The following IMMP2L variants were observed in gnomAD, a reference collection of about 807,000 sequenced individuals.
The protein encoded by IMMP2L is mitochondrial inner membrane protease subunit 2.
In IMMP2L, 18 loss-of-function variants were observed where a neutral mutation model predicts 19.3. The observed-to-expected ratio is 0.93, with a 90% CI of 0.64 to 1.38. The LOEUF is 1.38. IMMP2L is among the 40% of genes most tolerant of loss of function. The pLI is 0.00. For synonymous variants in IMMP2L, 76 were observed against 73.0 expected, an observed-to-expected ratio of 1.04 and a Z score of -0.21; for missense variants, 233 against 218.2, an observed-to-expected ratio of 1.07 and a Z score of -0.43.
At chr7:111,331,354 T>C (rs1010639185) in intron 3 of IMMP2L, among the ~76,000 whole-genome samples, 2 of 151,942 alleles carry the variant, frequency 1.3e-5, no homozygotes, top group African/African-American at 2.4e-5. Flanking sequence ...TTCTCACTTA[T>C]ATGTGAAATC....
chr7:110,736,864 G>A (rs1222301474), intron 5 of IMMP2L, among the ~76,000 whole-genome samples: 1 of 152,134 alleles, frequency 6.6e-6, no homozygotes. Context: ...ATTTAGATGA[G>A]ACTCTGGACT....
intron 2 of IMMP2L, among the ~76,000 whole-genome samples, chr7:111,507,569 G>A (rs890766815): frequency 6.6e-6 from 1 of 152,044 alleles, no homozygotes; most frequent in African/African-American, 2.4e-5. Context: ...TCCAGCGTCT[G>A]CCAACACTCC....
chr7:110,868,041 G>C (rs139582803), intron 5 of IMMP2L, among the ~76,000 whole-genome samples: 1 of 151,770 alleles, frequency 6.6e-6, no homozygotes, highest in African/African-American at 2.4e-5. Flanking sequence ...CTCACCTTCA[G>C]AGAGACGCAA....
At chr7:111,392,040 C>T in intron 3 of IMMP2L, 1 of 700,424 alleles carries the variant, frequency 1.4e-6, no homozygotes, top group Non-Finnish European at 2.6e-6. Context: ...GCAAATTCTT[C>T]ATTACCAGCT....
chr7:110,842,679 T>C (rs564591244), intron 5 of IMMP2L, among the ~76,000 whole-genome samples: 37 of 152,322 alleles, frequency 2.4e-4, no homozygotes, highest in African/African-American at 8.4e-4. Flanking sequence ...TTACCTGCTA[T>C]GCTGAGAAAG....
chr7:111,329,272 GA>G (rs995782263), intron 3 of IMMP2L, among the ~76,000 whole-genome samples: 1 of 150,730 alleles, frequency 6.6e-6, no homozygotes, highest in Non-Finnish European at 1.5e-5. Context: ...ACAGGAAGAG[GA>G]AAAAAAAGAG....
At chr7:111,327,009 C>G (rs984353567) in intron 3 of IMMP2L, among the ~76,000 whole-genome samples, 3 of 151,680 alleles carry the variant, frequency 2.0e-5, no homozygotes, top group African/African-American at 7.3e-5. Context: ...AGTACATTTA[C>G]ATACTCTAGA....
rs144247067 is a variant in IMMP2L, at chr7:111,452,041, A to T, written c.239+35197T>A. Among the ~76,000 whole-genome samples, 332 of 152,242 alleles carry T rather than the reference A, an allele frequency of 2.2e-3. 1 individual carries two copies. The highest frequency in any genetic ancestry group is 6.9e-3 in the African/African-American group (285 of 41,562). On this transcript the variant is annotated intron_variant, in intron 3 of 5. Coordinates refer to ENST00000405709, the MANE Select transcript of IMMP2L (RefSeq NM_032549.4). ...CTCCCTTCCTACTGTCCTTCAGTGT[A>T]GTATCTATTGGAGACATTACATTAT...
intron 3 of IMMP2L, among the ~76,000 whole-genome samples, chr7:110,979,675 G>A (rs144920548): frequency 2.0e-5 from 3 of 150,822 alleles, no homozygotes; most frequent in Non-Finnish European, 2.9e-5. Context: ...AGAAAGGCAG[G>A]GTTTAAACTT....
chr7:111,242,160 T>C (rs1048555059), intron 3 of IMMP2L, among the ~76,000 whole-genome samples: 2 of 152,098 alleles, frequency 1.3e-5, no homozygotes, highest in Admixed American at 1.3e-4. Context: ...TTCCTGAATA[T>C]GCTTTAGGAA....
At position 111,358,338 on chromosome 7, in the gene IMMP2L, C is replaced by T. The variant is rs896014836; in HGVS notation, c.239+128900G>A. On this transcript the variant is annotated intron_variant, in intron 3 of 5. Coordinates refer to ENST00000405709, the MANE Select transcript of IMMP2L (RefSeq NM_032549.4). ...ACTTGTTACTTAGGCAACCCCGAAACGTTAATGAAAGCATCTTTTGCCATC... is the reference window on the plus strand; with the variant it reads ...ACTTGTTACTTAGGCAACCCCGAAATGTTAATGAAAGCATCTTTTGCCATC... Among the ~76,000 whole-genome samples the T allele has an allele frequency of 4.0e-5, 6 of 151,472 alleles. No homozygotes were observed. In the South Asian group the frequency reaches 6.3e-4, roughly 16 times the overall value.
chr7:111,547,064 G>A (rs934242760), intron 1 of IMMP2L, among the ~76,000 whole-genome samples: 2 of 152,082 alleles, frequency 1.3e-5, no homozygotes, highest in African/African-American at 4.8e-5. Context: ...TTAATCTAAG[G>A]GCAACTAGAA....
At chr7:111,405,937 CTAGA>C (rs753741238) in intron 3 of IMMP2L, among the ~76,000 whole-genome samples, 21 of 152,242 alleles carry the variant, frequency 1.4e-4, no homozygotes, top group Admixed American at 2.6e-4. Flanking sequence ...GCAACAAGGA[CTAGA>C]TAGTGCTTCT....
chr7:111,164,792 C>A (rs1176479786), intron 3 of IMMP2L, among the ~76,000 whole-genome samples: 1 of 151,878 alleles, frequency 6.6e-6, no homozygotes, highest in Non-Finnish European at 1.5e-5. Flanking sequence ...AAGGGACATG[C>A]CATTTTGTCA....
intron 3 of IMMP2L, among the ~76,000 whole-genome samples, chr7:111,451,575 G>T (rs1839183751): frequency 8.8e-6 from 1 of 113,514 alleles, no homozygotes; most frequent in Non-Finnish European, 1.8e-5. Flanking sequence ...GGAGGGGGGA[G>T]GGGGGAGGGA....
chr7:110,742,556 C>A (rs979369923), intron 5 of IMMP2L, among the ~76,000 whole-genome samples: 1 of 152,060 alleles, frequency 6.6e-6, no homozygotes, highest in African/African-American at 2.4e-5. Flanking sequence ...ATCACAAGGT[C>A]TGGAGATTGA....
chr7:110,784,798 T>A (rs1007737632), intron 5 of IMMP2L, among the ~76,000 whole-genome samples: 2 of 151,774 alleles, frequency 1.3e-5, no homozygotes, highest in African/African-American at 4.8e-5. Context: ...GGAGAGCAGA[T>A]TTTTCAAAGC....
intron 3 of IMMP2L, among the ~76,000 whole-genome samples, chr7:111,156,102 A>G (rs775821025): frequency 2.6e-5 from 4 of 152,080 alleles, no homozygotes; most frequent in Non-Finnish European, 5.9e-5. Context: ...TATTATTTCT[A>G]TTCTTGACAG....
intron 3 of IMMP2L, among the ~76,000 whole-genome samples, chr7:111,149,628 T>C (rs1444299345): frequency 6.6e-6 from 1 of 152,172 alleles, no homozygotes; most frequent in Non-Finnish European, 1.5e-5. Context: ...TTTATTCAAA[T>C]TGTTGCAAAT....
Sources: gnomAD v4.1 joint callset for allele counts (sites outside exome capture counted in the v4.1 genomes callset) on GRCh38, gnomAD v4.1.1 for gene constraint, MANE v1.5 for transcripts, NCBI Gene and HGNC (gene_info 2026-07-23, HGNC 2026-07-21) for gene names.